PHACTR1: variants seen among roughly 807,000 people sequenced by gnomAD.
PHACTR1 encodes RPEL repeat containing 1.
In PHACTR1, 16 loss-of-function variants were observed where a neutral mutation model predicts 69.2. The observed-to-expected ratio is 0.23, with a 90% CI of 0.16 to 0.35. The LOEUF (loss-of-function observed/expected upper bound fraction) is 0.35, where lower values mean the gene tolerates loss of function less well. Ranked by LOEUF, PHACTR1 falls within the 10% of genes least tolerant of loss-of-function variation. The pLI, the probability that PHACTR1 is intolerant of heterozygous loss-of-function variation, is 1.00. For synonymous variants in PHACTR1, 312 were observed against 284.5 expected, an observed-to-expected ratio of 1.10 and a Z score of -0.97; for missense variants, 510 against 734.7, an observed-to-expected ratio of 0.69 and a Z score of 3.54.
chr6:13,106,478 T>C (rs1208976282), intron 5 of PHACTR1, among the ~76,000 whole-genome samples: 1 of 152,152 alleles, frequency 6.6e-6, no homozygotes, highest in African/African-American at 2.4e-5. Context: ...TGTTTATTTT[T>C]TATTCTTTTA....
At chr6:12,885,850 T>G (rs970391890) in intron 4 of PHACTR1, among the ~76,000 whole-genome samples, 10 of 152,200 alleles carry the variant, frequency 6.6e-5, no homozygotes, top group African/African-American at 2.4e-4. Context: ...ATCCTGGCAC[T>G]TTGGGAGGCC....
intron 3 of PHACTR1, among the ~76,000 whole-genome samples, chr6:12,743,969 G>A (rs1190947553): frequency 1.3e-5 from 2 of 152,180 alleles, no homozygotes; most frequent in African/African-American, 2.4e-5. Flanking sequence ...TCAGACCACA[G>A]TGCAATCAAA....
At chr6:12,771,078 C>G (rs1769322710) in intron 4 of PHACTR1, among the ~76,000 whole-genome samples, 1 of 152,130 alleles carries the variant, frequency 6.6e-6, no homozygotes, top group Admixed American at 6.5e-5. Context: ...GCTTTTGCTC[C>G]AAAAAGCTCA....
chr6:12,729,033 T>C (rs576893), intron 3 of PHACTR1, among the ~76,000 whole-genome samples: 108,438 of 152,038 alleles, frequency 0.71, 39,256 homozygotes, highest in East Asian at 0.96. Flanking sequence ...AATGTATCCG[T>C]TCTTATGTTA....
intron 7 of PHACTR1, among the ~76,000 whole-genome samples, chr6:13,192,754 G>A (rs1251728026): frequency 6.6e-6 from 1 of 152,336 alleles, no homozygotes; most frequent in East Asian, 1.9e-4. Flanking sequence ...CCAGGGGTAA[G>A]TTTCATGAGG....
intron 8 of PHACTR1, among the ~76,000 whole-genome samples, chr6:13,217,306 G>A (rs1044520868): frequency 6.6e-6 from 1 of 152,162 alleles, no homozygotes; most frequent in Non-Finnish European, 1.5e-5. Context: ...CAAGAGACAA[G>A]GTTAGCAATG....
intron 4 of PHACTR1, among the ~76,000 whole-genome samples, chr6:12,932,828 T>C (rs1429955592): frequency 6.6e-6 from 1 of 152,170 alleles, no homozygotes; most frequent in Non-Finnish European, 1.5e-5. Context: ...CAACTGACCT[T>C]GGTTATGGAG....
Position 13,275,998 on chromosome 6 carries a change from GTC to G in PHACTR1, c.1448-2268_1448-2267del, listed in dbSNP as rs920018455. On this transcript the variant is annotated intron_variant, in intron 11 of 14. Coordinates refer to ENST00000332995, the MANE Select transcript of PHACTR1 (RefSeq NM_030948.6). This position sits in a 1 kb window ranked among gnomAD's most constrained non-coding sequence, Gnocchi z 4.0. ...AATTTGCATTTGTACAAATGTCACT[GTC>G]TGGGGGCTCCCTACTTCCGGGTGTT... is the stretch of plus-strand genomic sequence containing the variant. The G allele has an allele frequency of 6.6e-6, 1 of 152,010 alleles. No homozygotes were observed. Among genetic ancestry groups the G allele is most frequent in the African/African-American group, 2.4e-5 (1 of 41,372 alleles). The allele number at this position is 152,010 out of a possible 1,614,324, so 9.4% of individuals were successfully genotyped here. A position where few individuals can be genotyped will look rare whatever the true frequency, so the allele number is the denominator to read the frequency against.
chr6:13,259,053 C>T (rs1223010521), intron 10 of PHACTR1, among the ~76,000 whole-genome samples: 1 of 152,170 alleles, frequency 6.6e-6, no homozygotes, highest in Non-Finnish European at 1.5e-5. Context: ...GAGCACTGGA[C>T]ATTTGTCTTT....
At chr6:13,251,231 G>A (rs1774352318) in intron 10 of PHACTR1, among the ~76,000 whole-genome samples, 1 of 152,178 alleles carries the variant, frequency 6.6e-6, no homozygotes, top group Non-Finnish European at 1.5e-5. Context: ...TGGGATGCTG[G>A]CCATAGGCGG....
At chr6:13,006,364 G>C (rs1242506727) in intron 4 of PHACTR1, among the ~76,000 whole-genome samples, 1 of 152,130 alleles carries the variant, frequency 6.6e-6, no homozygotes, top group African/African-American at 2.4e-5. Flanking sequence ...GCCGCTTTCT[G>C]AATGTCAGTG....
intron 5 of PHACTR1, among the ~76,000 whole-genome samples, chr6:13,057,092 G>A (rs1277574333): frequency 6.6e-6 from 1 of 152,104 alleles, no homozygotes; most frequent in Admixed American, 6.6e-5. Context: ...TAATAGCGTA[G>A]ACTATAGTTA....
rs533282772 is a variant in PHACTR1 at position 13,121,469 on chromosome 6, A to G, written c.416-38735A>G. Among the ~76,000 whole-genome samples, 65 of 152,370 alleles carry G rather than the reference A, an allele frequency of 4.3e-4. 1 individual carries two copies. The highest frequency in any genetic ancestry group is 1.2e-3 in the African/African-American group (50 of 41,588). ...GACCATATATACTAATTATATAATT[A>G]TAACATAGAAGTCTATATAGTTAAC... On this transcript the variant is annotated intron_variant, in intron 5 of 14. Transcript: ENST00000332995.
intron 4 of PHACTR1, among the ~76,000 whole-genome samples, chr6:12,940,615 A>G (rs1014627170): frequency 1.4e-4 from 22 of 152,216 alleles, no homozygotes; most frequent in African/African-American, 5.1e-4. Context: ...AGTGATGGAA[A>G]TATACATTCT....
At chr6:12,875,765 G>A (rs376496061) in intron 4 of PHACTR1, among the ~76,000 whole-genome samples, 1 of 152,182 alleles carries the variant, frequency 6.6e-6, no homozygotes. Context: ...AACCTGGCTT[G>A]TGTTGTCAAT....
At chr6:12,837,810 G>T (rs147892471) in intron 4 of PHACTR1, among the ~76,000 whole-genome samples, 1 of 152,342 alleles carries the variant, frequency 6.6e-6, no homozygotes, top group East Asian at 1.9e-4. Context: ...ATAGGTATGT[G>T]TATTAGTCTT....
chr6:13,180,985 G>A lies in PHACTR1; in HGVS notation c.497-1534G>A, dbSNP rs551920010. On this transcript the variant is annotated intron_variant, in intron 6 of 14. Coordinates refer to ENST00000332995, the MANE Select transcript of PHACTR1 (RefSeq NM_030948.6). ...TACCATTTTGGGCATATAAAAAAGC[G>A]GAATTAAAAAAAGAAAAAAAAACAC... is the stretch of plus-strand genomic sequence containing the variant. Among the ~76,000 whole-genome samples the A allele has an allele frequency of 8.6e-5, 13 of 151,364 alleles. No individual in the cohort carries two copies. The South Asian group carries it at 2.3e-3, about 27-fold the overall frequency.
At chr6:12,798,441 A>G (rs957276696) in intron 4 of PHACTR1, among the ~76,000 whole-genome samples, 3 of 152,164 alleles carry the variant, frequency 2.0e-5, no homozygotes, top group African/African-American at 4.8e-5. Flanking sequence ...CAAGGGATTA[A>G]TGACTCAAAA....
chr6:12,889,791 T>C (rs1783989590), intron 4 of PHACTR1, among the ~76,000 whole-genome samples: 1 of 117,778 alleles, frequency 8.5e-6, no homozygotes, highest in Non-Finnish European at 1.7e-5. Flanking sequence ...CTCCTTCTCC[T>C]TCTTCCTTTT....
Sources: gnomAD v4.1 joint callset for allele counts (sites outside exome capture counted in the v4.1 genomes callset) on GRCh38, gnomAD v4.1.1 for gene constraint, Gnocchi (gnomAD v3.1) non-coding constraint, MANE v1.5 for transcripts, NCBI Gene and HGNC (gene_info 2026-07-23, HGNC 2026-07-21) for gene names.